ACTL6B: variants seen among roughly 807,000 people sequenced by gnomAD.
ACTL6B encodes actin like 6B, also known as actin-like protein 6B.
In ACTL6B, 48 loss-of-function variants were observed where a neutral mutation model predicts 63.3. That is an observed-to-expected ratio of 0.76 (90% CI 0.60 to 0.96). The LOEUF is 0.96. ACTL6B is among the 50% of genes least tolerant of loss of function. The pLI is 0.00. For synonymous variants in ACTL6B, 230 were observed against 223.8 expected, an observed-to-expected ratio of 1.03 and a Z score of -0.25; for missense variants, 350 against 572.2, an observed-to-expected ratio of 0.61 and a Z score of 3.96.
Position 100,643,172 on chromosome 7 carries a change from AG to A in ACTL6B, c.*73del, listed in dbSNP as rs1198460995. The A allele has an allele frequency of 6.0e-6, 8 of 1,326,232 alleles. No homozygotes were observed. The highest frequency in any genetic ancestry group is 3.4e-5 in the Admixed American group (2 of 58,586). 82.2% of individuals were successfully genotyped at this position (1,326,232 alleles called of 1,614,324 possible). On this transcript the variant is annotated 3_prime_UTR_variant, in exon 14 of 14. Transcript: ENST00000160382. ...TAATGAGGACAAGAGGGAAAGGAGG[AG>A]GGGGGCAATGTGGCATGGGGGTTAA...
rs988369640 is a variant in ACTL6B at position 100,646,046 on chromosome 7, C to A, written c.1200+203G>T. 6.6e-6 allele frequency among the ~76,000 whole-genome samples: 1 copy of A among 152,244 alleles called. No homozygotes were observed. The highest frequency in any genetic ancestry group is 2.4e-5 in the African/African-American group (1 of 41,460). ...TCAGCCACCCAAAGTGCTGGGATGA[C>A]AGGTGTGGGCCACCATACCGGGCCC... On this transcript the variant is annotated intron_variant, in intron 13 of 13. Transcript: ENST00000160382. This position sits in a 1 kb window ranked among gnomAD's most constrained non-coding sequence, Gnocchi z 6.1.
chr7:100,655,420 C>A lies in ACTL6B; in HGVS notation c.268+1G>T. The A allele has an allele frequency of 6.2e-7, 1 of 1,613,580 alleles. No homozygotes were observed. The highest frequency in any genetic ancestry group is 1.1e-5 in the South Asian group (1 of 91,044). Reference sequence around the variant, plus strand: ...GGAGGTGATGGGTGGGGGCCCCTTACTCATGCCATTCTTGAGGGGCGACAT... The same window carrying A: ...GGAGGTGATGGGTGGGGGCCCCTTAATCATGCCATTCTTGAGGGGCGACAT... On this transcript the variant is annotated splice_donor_variant, in intron 3 of 13. Transcript: ENST00000160382. LOFTEE classifies it high-confidence loss of function. The surrounding 1 kb of genome is among the most constrained non-coding windows in gnomAD (Gnocchi z 4.4).
chr7:100,655,996 C>A lies in ACTL6B; in HGVS notation c.26-117G>T. ...CGCCACTTTCAACACCAGTCTGGGG[C>A]CGGTGGGAGCTGGGCCTGGAGTCCG... On this transcript the variant is annotated intron_variant, in intron 1 of 13. Coordinates refer to ENST00000160382, the MANE Select transcript of ACTL6B (RefSeq NM_016188.5). The surrounding 1 kb of genome is among the most constrained non-coding windows in gnomAD (Gnocchi z 4.4). 1.9e-6 allele frequency: 2 copies of A among 1,072,620 alleles called. No individual in the cohort carries two copies. Among genetic ancestry groups the A allele is most frequent in the Non-Finnish European group, 2.7e-6 (2 of 754,484 alleles). 66.4% of individuals were successfully genotyped at this position (1,072,620 alleles called of 1,614,324 possible).
Position 100,648,747 on chromosome 7 carries a change from C to T in ACTL6B, c.544G>A (p.Gly182Ser), listed in dbSNP as rs773439376. The change falls in exon 6 of 14, where the codon GGC (glycine) becomes AGC (serine). Residue 182 changes from glycine to serine, a missense_variant. Transcript: ENST00000160382. This position sits in a 1 kb window ranked among gnomAD's most constrained non-coding sequence, Gnocchi z 4.4. ...GCCCCACCTTGCTGCAGAACGTAGC[C>T]GTCATGTACTGGAATGGCCGTGGTG... ...THTTAIPVHD[G>S]YVLQQGIVKS... The T allele has an allele frequency of 3.7e-6, 6 of 1,614,062 alleles. No individual in the cohort carries two copies. The highest frequency in any genetic ancestry group is 1.1e-5 in the South Asian group (1 of 91,076).
rs2231177 is a variant in ACTL6B at position 100,646,430 on chromosome 7, C to T, written c.1114-95G>A. 4,809 of 1,551,224 alleles carry T rather than the reference C, an allele frequency of 3.1e-3. 109 individuals carry two copies. In the African/African-American group the frequency reaches 0.055, roughly 18 times the overall value. On this transcript the variant is annotated intron_variant, in intron 12 of 13. Coordinates refer to ENST00000160382, the MANE Select transcript of ACTL6B (RefSeq NM_016188.5). The surrounding 1 kb of genome is among the most constrained non-coding windows in gnomAD (Gnocchi z 6.1). ...GGGAAGACTTGGGAAGCCACAGGGG[C>T]AGGGGTTCTGCTCTGGTGGCCAGAA...
chr7:100,646,902 C>A lies in ACTL6B; in HGVS notation c.936+69G>T. On this transcript the variant is annotated intron_variant, in intron 10 of 13. Coordinates refer to ENST00000160382, the MANE Select transcript of ACTL6B (RefSeq NM_016188.5). This position sits in a 1 kb window ranked among gnomAD's most constrained non-coding sequence, Gnocchi z 6.1. ...CCCAGACCCCTGCAATCCTTCCCAGCCTCCCCCACGCCCCAGGATCCAGGG... is the reference window on the plus strand; with the variant it reads ...CCCAGACCCCTGCAATCCTTCCCAGACTCCCCCACGCCCCAGGATCCAGGG... The A allele has an allele frequency of 6.3e-7, 1 of 1,598,892 alleles. No individual in the cohort carries two copies. Among genetic ancestry groups the A allele is most frequent in the Non-Finnish European group, 8.6e-7 (1 of 1,169,332 alleles).
Position 100,655,318 on chromosome 7 carries a change from G to T in ACTL6B, c.268+103C>A, listed in dbSNP as rs1804017184. ...GAACCCTGGCAGCCAGAAGAACCCTGGGGCTGCAAGGAAGACTCCGCGGGG... is the reference window on the plus strand; with the variant it reads ...GAACCCTGGCAGCCAGAAGAACCCTTGGGCTGCAAGGAAGACTCCGCGGGG... On this transcript the variant is annotated intron_variant, in intron 3 of 13. Transcript: ENST00000160382. The surrounding 1 kb of genome is among the most constrained non-coding windows in gnomAD (Gnocchi z 4.4). 2 of 1,384,504 alleles carry T rather than the reference G, an allele frequency of 1.4e-6. No homozygotes were observed. The highest frequency in any genetic ancestry group is 4.0e-5 in the Admixed American group (2 of 49,390). The allele number at this position is 1,384,504 out of a possible 1,614,324, so 85.8% of individuals were successfully genotyped here.
At position 100,647,805 on chromosome 7, in the gene ACTL6B, G is replaced by T; in HGVS notation, c.670-272C>A. The T allele has an allele frequency of 2.2e-6, 1 of 453,290 alleles. No homozygotes were observed. The highest frequency in any genetic ancestry group is 3.9e-6 in the Non-Finnish European group (1 of 254,814). 28.1% of individuals were successfully genotyped at this position (453,290 alleles called of 1,614,324 possible). A position where few individuals can be genotyped will look rare whatever the true frequency, so the allele number is the denominator to read the frequency against. On this transcript the variant is annotated intron_variant, in intron 7 of 13. Coordinates refer to ENST00000160382, the MANE Select transcript of ACTL6B (RefSeq NM_016188.5). The surrounding 1 kb of genome is among the most constrained non-coding windows in gnomAD (Gnocchi z 4.4). ...AACCTCAAGGGAATGGCCTCCTAGG[G>T]GGTCATGATCCATGTGAGGGCACGG...
rs1160032041 is a variant in ACTL6B at position 100,654,992 on chromosome 7, G to A, written c.369+27C>T. 3.2e-6 allele frequency: 5 copies of A among 1,584,140 alleles called. No homozygotes were observed. In the South Asian group the frequency reaches 3.3e-5, roughly 11 times the overall value. On this transcript the variant is annotated intron_variant, in intron 4 of 13. Transcript: ENST00000160382. ...AGGAGGTGCAGTGGAGATCAGGGTT[G>A]GACATGAGGATGGAGGAGGCACTCA...
chr7:100,654,993 G>A, intron 4 of ACTL6B, 26 bp downstream of exon 4: 1 of 1,588,732 alleles, frequency 6.3e-7, no homozygotes, highest in Non-Finnish European at 8.6e-7. Context: ...ATCAGGGTTG[G>A]ACATGAGGAT....
chr7:100,644,459 T>C (rs1028744680), intron 13 of ACTL6B, among the ~76,000 whole-genome samples: 4 of 151,950 alleles, frequency 2.6e-5, no homozygotes, highest in African/African-American at 9.7e-5. Flanking sequence ...CCCAATTTTT[T>C]TGGGTTTTTT....
At position 100,649,988 on chromosome 7, in the gene ACTL6B, G is replaced by A. The variant is rs77662951; in HGVS notation, c.467+50C>T. Reference sequence around the variant, plus strand: ...CTCATCACAGCTGAGCTCAGCACAGGCCCCACCCCAGCCCTCCACCCAGTC... The same window carrying A: ...CTCATCACAGCTGAGCTCAGCACAGACCCCACCCCAGCCCTCCACCCAGTC... On this transcript the variant is annotated intron_variant, in intron 5 of 13. Coordinates refer to ENST00000160382, the MANE Select transcript of ACTL6B (RefSeq NM_016188.5). The A allele has an allele frequency of 1.4e-3, 2,134 of 1,552,600 alleles. 9 individuals carry two copies. Among genetic ancestry groups the A allele is most frequent in the African/African-American group, 0.011 (802 of 73,650 alleles).
rs747621310 is a variant in ACTL6B at position 100,646,879 on chromosome 7, C to A, written c.937-48G>T. 7.5e-6 allele frequency: 12 copies of A among 1,602,214 alleles called. No individual in the cohort carries two copies. The highest frequency in any genetic ancestry group is 9.4e-6 in the Non-Finnish European group (11 of 1,173,398). On this transcript the variant is annotated intron_variant, in intron 10 of 13. Transcript: ENST00000160382. This position sits in a 1 kb window ranked among gnomAD's most constrained non-coding sequence, Gnocchi z 6.1. ...CTGTGGGCTCTCTCCCCCTTCCCCC[C>A]AGACCCCTGCAATCCTTCCCAGCCT...
At chr7:100,644,870 A>G (rs545896453) in intron 13 of ACTL6B, among the ~76,000 whole-genome samples, 1 of 152,104 alleles carries the variant, frequency 6.6e-6, no homozygotes, top group Non-Finnish European at 1.5e-5. Context: ...AGCTTAGCCA[A>G]CACGGTGAAA....
In ACTL6B at chr7:100,648,798, G is replaced by C. The variant is rs767096340; in HGVS notation, c.493C>G (p.Leu165Val). The C allele has an allele frequency of 2.5e-6, 4 of 1,613,896 alleles. No homozygotes were observed. Among genetic ancestry groups the C allele is most frequent in the Non-Finnish European group, 3.4e-6 (4 of 1,179,952 alleles). The change falls in exon 6 of 14, where the codon CTC (leucine) becomes GTC (valine). Residue 165 changes from leucine to valine, a missense_variant. Physicochemically the swap from Leu to Val is conservative, Grantham distance 32 (BLOSUM62 1). Around this residue, in one of 3 missense-constraint regions of ACTL6B, gnomAD observed 250 missense variants for 364.7 expected, o/e 0.69. Transcript: ENST00000160382. The surrounding 1 kb of genome is among the most constrained non-coding windows in gnomAD (Gnocchi z 4.4). ...TGGGTGGCTCCACTGTCCAGCACGA[G>C]GCCAGTGGACCGCCCGTTTGCAAAG... ...TAFANGRSTGLVLDSGATHTT... is the reference protein window; with the variant it reads ...TAFANGRSTGVVLDSGATHTT...
At chr7:100,645,165 G>A (rs1329201394) in intron 13 of ACTL6B, among the ~76,000 whole-genome samples, 3 of 152,178 alleles carry the variant, frequency 2.0e-5, no homozygotes, top group Non-Finnish European at 4.4e-5. Flanking sequence ...CCTGGTTTCT[G>A]TCTCCCTGGG....
intron 4 of ACTL6B, among the ~76,000 whole-genome samples, chr7:100,651,343 G>T (rs1584470015): frequency 6.6e-6 from 1 of 151,998 alleles, no homozygotes; most frequent in Non-Finnish European, 1.5e-5. Context: ...CTGAGGTCAG[G>T]AGTTTGAGAC....
In ACTL6B at chr7:100,646,196, G is replaced by C. The variant is rs977914637; in HGVS notation, c.1200+53C>G. ...GCAGTCAAAGTGGCGGGCACTGTCT[G>C]GGTCTCCCCTCTCCCCCACAGTCAG... On this transcript the variant is annotated intron_variant, in intron 13 of 13. Coordinates refer to ENST00000160382, the MANE Select transcript of ACTL6B (RefSeq NM_016188.5). This position sits in a 1 kb window ranked among gnomAD's most constrained non-coding sequence, Gnocchi z 6.1. 6.8e-6 allele frequency: 10 copies of C among 1,478,142 alleles called. No individual in the cohort carries two copies. The Admixed American group carries it at 1.9e-4, about 28-fold the overall frequency. The allele number at this position is 1,478,142 out of a possible 1,614,324, so 91.6% of individuals were successfully genotyped here.
chr7:100,649,981 A>G, intron 5 of ACTL6B, 57 bp downstream of exon 5: 1 of 1,519,932 alleles, frequency 6.6e-7, no homozygotes, highest in South Asian at 1.1e-5. Context: ...AGCTGAGCTC[A>G]GCACAGGCCC....
Sources: gnomAD v4.1 joint callset for allele counts (sites outside exome capture counted in the v4.1 genomes callset) on GRCh38, gnomAD v4.1.1 for gene constraint, gnomAD v4.1.1 regional missense constraint, Gnocchi (gnomAD v3.1) non-coding constraint, MANE v1.5 for transcripts, NCBI Gene and HGNC (gene_info 2026-07-23, HGNC 2026-07-21) for gene names.